Variants in RNF130 observed in about 807,000 individuals in gnomAD.
RNF130 encodes the protein ring finger protein 130.
RNF130 carries 21 observed loss-of-function variants against 44.6 expected under a neutral mutation model. The ratio of observed to expected loss-of-function variants is 0.47; its 90% confidence interval spans 0.33 to 0.68. RNF130 has a LOEUF of 0.68. Among genes scored for constraint, RNF130 ranks in the 30% least tolerant of loss-of-function variants. The probability of loss-of-function intolerance (pLI) is 0.02; values close to 1 mark genes in which losing one functional copy is unlikely to be tolerated. For missense variants in RNF130, 479 were observed against 560.6 expected (o/e 0.85, Z 1.47); for synonymous variants, 214 against 210.4 (o/e 1.02, Z -0.15).
intron 2 of RNF130, among the ~76,000 whole-genome samples, chr5:180,033,900 C>T (rs1267144580): frequency 6.6e-6 from 1 of 152,034 alleles, no homozygotes; most frequent in Non-Finnish European, 1.5e-5. Flanking sequence ...TCCCTGTGTA[C>T]AATGGTTAAA....
chr5:180,044,082 G>A (rs1414314693), intron 1 of RNF130, among the ~76,000 whole-genome samples: 1 of 152,108 alleles, frequency 6.6e-6, no homozygotes, highest in Non-Finnish European at 1.5e-5. Context: ...AATACCAGTT[G>A]TTTACACTTG....
chr5:180,059,971 C>T lies in RNF130; in HGVS notation c.247+11485G>A, dbSNP rs570911202. Among the ~76,000 whole-genome samples the T allele has an allele frequency of 7.2e-5, 11 of 152,194 alleles. No homozygotes were observed. The South Asian group carries it at 2.3e-3, about 32-fold the overall frequency. ...CTGACTTTACAATAAAGAGATTCTC[C>T]TGGACTGTCTGGGTGGGCCCAATGT... On this transcript the variant is annotated intron_variant, in intron 1 of 8. Coordinates refer to ENST00000521389, the MANE Select transcript of RNF130 (RefSeq NM_018434.6).
rs1034087891 is a variant in RNF130 at position 180,047,830 on chromosome 5, C to T, written c.248-7183G>A. On this transcript the variant is annotated intron_variant, in intron 1 of 8. Coordinates refer to ENST00000521389, the MANE Select transcript of RNF130 (RefSeq NM_018434.6). ...AAGCGCTCTCCTCTCTCCACTCCCA[C>T]GTCCCACTTCCTCCAGGCTTTCCTC... 1.3e-4 allele frequency among the ~76,000 whole-genome samples: 20 copies of T among 152,304 alleles called. 1 individual carries two copies. Among genetic ancestry groups the T allele is most frequent in the South Asian group, 1.0e-3 (5 of 4,824 alleles).
chr5:179,980,370 C>T, intron 3 of RNF130, 170 bp from the exon 4 acceptor site: 1 of 592,720 alleles, frequency 1.7e-6, no homozygotes, highest in Non-Finnish European at 2.9e-6. Context: ...CAAGATTCAG[C>T]ATTCTGGTTG....
At chr5:180,003,946 G>A (rs1165925472) in intron 3 of RNF130, among the ~76,000 whole-genome samples, 1 of 152,164 alleles carries the variant, frequency 6.6e-6, no homozygotes, top group Non-Finnish European at 1.5e-5. Flanking sequence ...CCATGTGCTA[G>A]GTACTGTTCT....
chr5:179,995,461 T>C (rs1347255995), intron 3 of RNF130, among the ~76,000 whole-genome samples: 1 of 152,200 alleles, frequency 6.6e-6, no homozygotes, highest in Non-Finnish European at 1.5e-5. Context: ...AGTGTTCCAA[T>C]CCTGGCATGA....
chr5:179,947,109 T>C (rs114333586), intron 7 of RNF130, among the ~76,000 whole-genome samples: 2,144 of 152,354 alleles, frequency 0.014, 63 homozygotes, highest in African/African-American at 0.05. Context: ...CCTGGGTTTC[T>C]AGAATCTTCT....
chr5:179,942,512 A>G lies in RNF130; in HGVS notation c.1151-22086T>C, dbSNP rs921319960. On this transcript the variant is annotated intron_variant, in intron 7 of 7. Coordinates refer to the RNF130 transcript ENST00000522208. ...ACTGTTTTTGGATTAAGTTCTAGAA[A>G]ATAGTAAGTGGAAGCCCAGCTGAGC... Among the ~76,000 whole-genome samples, 65 of 152,192 alleles carry G rather than the reference A, an allele frequency of 4.3e-4. 1 individual carries two copies. The highest frequency in any genetic ancestry group is 1.4e-3 in the African/African-American group (60 of 41,462).
At chr5:179,928,205 T>C (rs570551574) in intron 7 of RNF130, among the ~76,000 whole-genome samples, 22 of 152,296 alleles carry the variant, frequency 1.4e-4, no homozygotes, top group African/African-American at 5.3e-4. Flanking sequence ...CCTCGGATGA[T>C]GCCTGGGAGT....
At chr5:179,993,948 A>G (rs1382845893) in intron 3 of RNF130, among the ~76,000 whole-genome samples, 1 of 152,260 alleles carries the variant, frequency 6.6e-6, no homozygotes, top group Non-Finnish European at 1.5e-5. Context: ...ACATATGGCT[A>G]GCCAGTTTTC....
chr5:179,997,303 G>A (rs1763223176), intron 3 of RNF130, among the ~76,000 whole-genome samples: 1 of 151,308 alleles, frequency 6.6e-6, no homozygotes, highest in Non-Finnish European at 1.5e-5. Context: ...CAACACGCCT[G>A]GCTTATGTTT....
intron 2 of RNF130, among the ~76,000 whole-genome samples, chr5:180,015,011 A>T (rs188421169): frequency 6.6e-6 from 1 of 152,188 alleles, no homozygotes; most frequent in African/African-American, 2.4e-5. Context: ...CAACAGTAAA[A>T]GGAGTTTTAT....
intron 6 of RNF130, among the ~76,000 whole-genome samples, chr5:179,969,058 G>C (rs1052794263): frequency 2.0e-5 from 3 of 152,220 alleles, no homozygotes; most frequent in African/African-American, 7.2e-5. Context: ...TCTCCTTTGG[G>C]TTGCAAGCTA....
chr5:179,972,713 C>G (rs569037276), intron 5 of RNF130, among the ~76,000 whole-genome samples: 46 of 152,238 alleles, frequency 3.0e-4, no homozygotes, highest in African/African-American at 1.1e-3. Context: ...TTTTGCTTTG[C>G]CCTTTTCTTA....
At chr5:180,064,268 T>C (rs1367815488) in intron 1 of RNF130, among the ~76,000 whole-genome samples, 1 of 152,182 alleles carries the variant, frequency 6.6e-6, no homozygotes, top group Admixed American at 6.5e-5. Flanking sequence ...AATAATGAGC[T>C]TCTCAAATGA....
intron 3 of RNF130, among the ~76,000 whole-genome samples, chr5:180,008,201 G>A (rs766282558): frequency 1.3e-5 from 2 of 151,838 alleles, no homozygotes; most frequent in Non-Finnish European, 2.9e-5. Context: ...AGAAAAAGCC[G>A]AGAAAAGCCC....
intron 2 of RNF130, among the ~76,000 whole-genome samples, chr5:180,029,752 G>C (rs1279509711): frequency 1.3e-5 from 2 of 151,902 alleles, no homozygotes; most frequent in African/African-American, 4.8e-5. Flanking sequence ...GTCTAGAACA[G>C]GCTGACCTAG....
At chr5:180,046,601 G>A (rs1272437627) in intron 1 of RNF130, among the ~76,000 whole-genome samples, 2 of 152,258 alleles carry the variant, frequency 1.3e-5, no homozygotes, top group Middle Eastern at 3.4e-3. Flanking sequence ...CAAAACAGGC[G>A]GCCGCACAGC....
intron 7 of RNF130, among the ~76,000 whole-genome samples, chr5:179,948,543 C>A: frequency 6.6e-6 from 1 of 151,984 alleles, no homozygotes; most frequent in East Asian, 1.9e-4. Context: ...TGGTGGCAGG[C>A]GCCTGTAATC....
Sources: allele counts gnomAD v4.1 joint callset (sites outside exome capture counted in the v4.1 genomes callset), GRCh38; gene constraint gnomAD v4.1.1; transcripts MANE v1.5; gene names NCBI Gene and HGNC (gene_info 2026-07-23, HGNC 2026-07-21).